The following ACYP2 variants were observed in gnomAD, a reference collection of about 807,000 sequenced individuals.
ACYP2 encodes acylphosphatase 2.
In ACYP2, 12 loss-of-function variants were observed where a neutral mutation model predicts 11.2. The ratio of observed to expected loss-of-function variants is 1.08; its 90% confidence interval spans 0.69 to 1.74. The LOEUF (loss-of-function observed/expected upper bound fraction) is 1.74. Among genes scored for constraint, ACYP2 ranks in the 40% most tolerant of loss-of-function variants. ACYP2 has a pLI of 0.00. For synonymous variants in ACYP2, 43 were observed against 32.2 expected (o/e 1.33, Z -1.13); for missense variants, 134 against 101.9 (o/e 1.31, Z -1.35).
chr2:54,078,878 A>G (rs774009904), intron 4 of ACYP2, among the ~76,000 whole-genome samples: 7 of 152,200 alleles, frequency 4.6e-5, no homozygotes, highest in Non-Finnish European at 1.0e-4. Flanking sequence ...GACTACAGGC[A>G]TGAGCCACCA....
chr2:54,094,499 G>T (rs1678408720), intron 4 of ACYP2, among the ~76,000 whole-genome samples: 2 of 152,024 alleles, frequency 1.3e-5, no homozygotes, highest in South Asian at 4.2e-4. Context: ...AAAGTGCTGG[G>T]ATTACAGGTG....
rs766707482 is a variant in ACYP2, at chr2:54,256,005, G to A, written c.405-48683G>A. Reference sequence around the variant, plus strand: ...CCTCCTCTGGAAGCCGGGGCGGTGGGAACACGATTGGCTCCAAGCGGCCAT... The same window carrying A: ...CCTCCTCTGGAAGCCGGGGCGGTGGAAACACGATTGGCTCCAAGCGGCCAT... On this transcript the variant is annotated intron_variant, in intron 6 of 6. Transcript: ENST00000607452. 1.4e-5 allele frequency: 23 copies of A among 1,614,136 alleles called. No homozygotes were observed. In the African/African-American group the frequency reaches 2.1e-4, roughly 15 times the overall value.
intron 6 of ACYP2, among the ~76,000 whole-genome samples, chr2:54,170,894 G>A (rs1027279197): frequency 1.1e-4 from 16 of 152,152 alleles, no homozygotes; most frequent in African/African-American, 3.9e-4. Context: ...TCCACTGCCT[G>A]ACACAATCAC....
intron 6 of ACYP2, among the ~76,000 whole-genome samples, chr2:54,224,614 C>A (rs1003390686): frequency 2.6e-5 from 4 of 152,216 alleles, no homozygotes; most frequent in Non-Finnish European, 5.9e-5. Context: ...GCATGCCAAA[C>A]AGGAAGACAA....
At chr2:54,206,735 C>G (rs1196292838) in intron 6 of ACYP2, among the ~76,000 whole-genome samples, 1 of 152,112 alleles carries the variant, frequency 6.6e-6, no homozygotes, top group Non-Finnish European at 1.5e-5. Context: ...TTTAGAAATG[C>G]AAACTAAATG....
At chr2:54,295,521 A>G (rs1253398664) in intron 6 of ACYP2, among the ~76,000 whole-genome samples, 1 of 152,172 alleles carries the variant, frequency 6.6e-6, no homozygotes, top group Admixed American at 6.5e-5. Context: ...AGGTGCCTAG[A>G]AATTGCCCTC....
chr2:54,129,048 A>G lies in ACYP2; in HGVS notation c.278-6405A>G, dbSNP rs1035353. Among the ~76,000 whole-genome samples, 1,120 of 152,286 alleles carry G rather than the reference A, an allele frequency of 7.4e-3. 20 individuals carry two copies. The highest frequency in any genetic ancestry group is 0.026 in the African/African-American group (1,072 of 41,552). ...AAGTCCACAAATCCAGCCCTGGTCA[A>G]TTTGGCACCCATATGTGTCTCCTTA... On this transcript the variant is annotated intron_variant, in intron 4 of 6. Transcript: ENST00000607452.
At chr2:54,276,622 C>CACACACACACACACAA (rs779108630) in intron 6 of ACYP2, among the ~76,000 whole-genome samples, 24 of 58,050 alleles carry the variant, frequency 4.1e-4, no homozygotes, top group African/African-American at 2.8e-3. Context: ...TGTTCTTTCA[C>CACACACACACACACAA]ACACACACAC....
At chr2:54,039,164 A>C (rs1675082793) in intron 2 of ACYP2, among the ~76,000 whole-genome samples, 1 of 150,572 alleles carries the variant, frequency 6.6e-6, no homozygotes, top group Admixed American at 6.6e-5. Flanking sequence ...CAGAGCATGT[A>C]GGGCTTTAAA....
At chr2:54,065,435 C>T in intron 4 of ACYP2, 1 of 398,500 alleles carries the variant, frequency 2.5e-6, no homozygotes, top group East Asian at 3.6e-5. Flanking sequence ...AGTTGGATGA[C>T]CAATTGTATG....
intron 6 of ACYP2, among the ~76,000 whole-genome samples, chr2:54,276,619 T>TCACACACACACACACACACACACA (rs3071186): frequency 6.8e-6 from 1 of 146,108 alleles, no homozygotes; most frequent in African/African-American, 2.5e-5. Context: ...GATTGTTCTT[T>TCACACACACACACACACACACACA]CACACACACA....
At chr2:54,190,444 C>G (rs1220477782) in intron 6 of ACYP2, among the ~76,000 whole-genome samples, 1 of 152,086 alleles carries the variant, frequency 6.6e-6, no homozygotes, top group African/African-American at 2.4e-5. Context: ...TCCACCGATA[C>G]TGCTCTTGTT....
chr2:54,235,973 A>C (rs1686459943), intron 6 of ACYP2, among the ~76,000 whole-genome samples: 1 of 152,128 alleles, frequency 6.6e-6, no homozygotes, highest in Non-Finnish European at 1.5e-5. Flanking sequence ...AAATTTATTC[A>C]TCATTTGAAA....
chr2:54,190,557 T>C (rs1684198604), intron 6 of ACYP2, among the ~76,000 whole-genome samples: 1 of 152,038 alleles, frequency 6.6e-6, no homozygotes, highest in African/African-American at 2.4e-5. Flanking sequence ...CTCTTCTCCT[T>C]GGCTGCCAGG....
chr2:54,244,764 G>A (rs953928704), intron 6 of ACYP2, among the ~76,000 whole-genome samples: 1 of 151,628 alleles, frequency 6.6e-6, no homozygotes, highest in East Asian at 1.9e-4. Flanking sequence ...TTTTTGAATT[G>A]ACACATAATA....
intron 2 of ACYP2, among the ~76,000 whole-genome samples, chr2:54,030,343 G>A (rs1674517709): frequency 6.6e-6 from 1 of 152,182 alleles, no homozygotes; most frequent in African/African-American, 2.4e-5. Flanking sequence ...ATGTATGACT[G>A]TCTCTATTAT....
chr2:54,190,492 C>T (rs1292553918), intron 6 of ACYP2, among the ~76,000 whole-genome samples: 1 of 152,072 alleles, frequency 6.6e-6, no homozygotes, highest in East Asian at 1.9e-4. Flanking sequence ...AGTCCAGTGG[C>T]CAATTATCTG....
At chr2:54,195,795 T>TTTTTGTTTG (rs1558603535) in intron 6 of ACYP2, among the ~76,000 whole-genome samples, 3 of 60,388 alleles carry the variant, frequency 5.0e-5, no homozygotes, top group South Asian at 6.0e-4. Context: ...TTGTTGTGGG[T>TTTTTGTTTG]TTTTTTTTTT....
At chr2:54,232,313 A>C (rs10439478) in intron 6 of ACYP2, among the ~76,000 whole-genome samples, 37,371 of 151,976 alleles carry the variant, frequency 0.25, 4,706 homozygotes, top group East Asian at 0.39. Context: ...TTTCCCAGAA[A>C]GAAGCTCTTG....
Sources: allele counts gnomAD v4.1 joint callset (sites outside exome capture counted in the v4.1 genomes callset), GRCh38; gene constraint gnomAD v4.1.1; transcripts MANE v1.5; gene names NCBI Gene and HGNC (gene_info 2026-07-23, HGNC 2026-07-21).